CSMD2: variants seen among roughly 807,000 people sequenced by gnomAD.
The protein encoded by CSMD2 is CUB and sushi domain-containing protein 2.
A neutral mutation model predicts 398.5 loss-of-function variants in CSMD2; 130 were observed. The observed-to-expected ratio is 0.33, with a 90% confidence interval of 0.28 to 0.38. The LOEUF (loss-of-function observed/expected upper bound fraction) is 0.38, where lower values mean the gene tolerates loss of function less well. Ranked by LOEUF, CSMD2 falls within the 10% of genes least tolerant of loss-of-function variation. The probability of loss-of-function intolerance (pLI) is 1.00; values close to 1 mark genes in which losing one functional copy is unlikely to be tolerated. For missense variants in CSMD2, 3,829 were observed against 4,764.9 expected (o/e 0.80, Z 5.78); for synonymous variants, 1,828 against 1,908.5 (o/e 0.96, Z 1.10).
intron 1 of CSMD2, among the ~76,000 whole-genome samples, chr1:34,097,506 C>T: frequency 6.3e-5 from 8 of 126,318 alleles, no homozygotes; most frequent in African/African-American, 9.1e-5. Context: ...TTTTCGCAAC[C>T]TACTCATCTG....
chr1:33,591,481 G>A (rs1180083328), intron 44 of CSMD2, among the ~76,000 whole-genome samples: 1 of 152,034 alleles, frequency 6.6e-6, no homozygotes, highest in Non-Finnish European at 1.5e-5. Flanking sequence ...TGGTGAGTGT[G>A]GTCTAGGGTG....
intron 64 of CSMD2, among the ~76,000 whole-genome samples, chr1:33,531,143 A>G (rs1655197368): frequency 6.6e-6 from 1 of 152,220 alleles, no homozygotes; most frequent in Non-Finnish European, 1.5e-5. Flanking sequence ...AAGTTAATGG[A>G]TATGTTAATT....
At chr1:33,725,320 T>C (rs763095254) in intron 17 of CSMD2, 29 bp downstream of exon 17, 6 of 1,600,050 alleles carry the variant, frequency 3.7e-6, no homozygotes, top group Admixed American at 3.3e-5. Flanking sequence ...GACCTTGTCA[T>C]CCCTTTTCCT....
At position 33,533,896 on chromosome 1, in the gene CSMD2, T is replaced by G. The variant is rs1324380868; in HGVS notation, c.9891A>C (p.Thr3297=). The G allele has an allele frequency of 6.2e-7, 1 of 1,612,548 alleles. No homozygotes were observed. The highest frequency in any genetic ancestry group is 8.5e-7 in the Non-Finnish European group (1 of 1,178,564). Residue 3297 remains threonine (T), a synonymous_variant, in exon 63 of 71, where the codon ACA becomes ACC. Transcript: ENST00000373381. This position sits in a 1 kb window ranked among gnomAD's most constrained non-coding sequence, Gnocchi z 4.2. ...NNSQGYQVGS[T]VLFRCQKGYL... ...AGCCTTTTTGACAACGGAAGAGGACTGTGCTTCCAACCTGCGGCAAGATAC... is the reference window on the plus strand; with the variant it reads ...AGCCTTTTTGACAACGGAAGAGGACGGTGCTTCCAACCTGCGGCAAGATAC...
At chr1:33,564,362 T>C (rs1283744801) in intron 53 of CSMD2, among the ~76,000 whole-genome samples, 2 of 152,172 alleles carry the variant, frequency 1.3e-5, no homozygotes, top group Non-Finnish European at 2.9e-5. Context: ...TCACTGCCTT[T>C]GAATATGGTC....
Position 34,013,204 on chromosome 1 carries a change from G to A in CSMD2, c.517+19390C>T, listed in dbSNP as rs866461473. Among the ~76,000 whole-genome samples the A allele has an allele frequency of 1.2e-4, 18 of 147,892 alleles. No individual in the cohort carries two copies. In the Middle Eastern group the frequency reaches 0.014, roughly 114 times the overall value. Reference sequence around the variant, plus strand: ...CTTTCAAGTATTATCAGTCATCATCGTGCCATTATGGAGTTTTCAATCCAT... The same window carrying A: ...CTTTCAAGTATTATCAGTCATCATCATGCCATTATGGAGTTTTCAATCCAT... On this transcript the variant is annotated intron_variant, in intron 3 of 70. Transcript: ENST00000373381.
At chr1:33,637,946 C>T (rs561034894) in intron 29 of CSMD2, among the ~76,000 whole-genome samples, 19 of 152,224 alleles carry the variant, frequency 1.2e-4, no homozygotes, top group African/African-American at 4.1e-4. Flanking sequence ...ACACAGGAGG[C>T]GGCCACTACT....
chr1:33,913,763 C>A (rs1284667315), intron 5 of CSMD2, among the ~76,000 whole-genome samples: 2 of 152,088 alleles, frequency 1.3e-5, no homozygotes, highest in East Asian at 3.9e-4. Context: ...GCACAAACTT[C>A]CTCTCCTATA....
At chr1:33,947,333 A>G (rs1056778017) in intron 3 of CSMD2, among the ~76,000 whole-genome samples, 2 of 152,110 alleles carry the variant, frequency 1.3e-5, no homozygotes, top group Non-Finnish European at 2.9e-5. Context: ...TTAGTCCCCT[A>G]TATCCTGCTG....
chr1:33,733,907 T>C (rs1646799145), intron 15 of CSMD2, among the ~76,000 whole-genome samples: 1 of 152,234 alleles, frequency 6.6e-6, no homozygotes, highest in Non-Finnish European at 1.5e-5. Context: ...TGTAAAGCAA[T>C]TGGCCTGGTA....
intron 51 of CSMD2, among the ~76,000 whole-genome samples, chr1:33,569,899 T>C (rs940386778): frequency 1.3e-5 from 2 of 152,234 alleles, no homozygotes; most frequent in African/African-American, 4.8e-5. Flanking sequence ...CTGAGTGCCC[T>C]GGGCAGACAC....
At chr1:33,830,193 G>C (rs1659358309) in intron 6 of CSMD2, among the ~76,000 whole-genome samples, 1 of 152,198 alleles carries the variant, frequency 6.6e-6, no homozygotes, top group South Asian at 2.1e-4. Context: ...TCTGAGAATG[G>C]GCAGACTGCC....
intron 27 of CSMD2, among the ~76,000 whole-genome samples, chr1:33,657,562 TG>T (rs2148984779): frequency 6.6e-6 from 1 of 152,324 alleles, no homozygotes; most frequent in Non-Finnish European, 1.5e-5. Context: ...TCTGAGGCTG[TG>T]GGTGCCCTTC....
intron 3 of CSMD2, among the ~76,000 whole-genome samples, chr1:34,023,479 C>T (rs1197647534): frequency 6.6e-6 from 1 of 152,186 alleles, no homozygotes; most frequent in African/African-American, 2.4e-5. Flanking sequence ...TCAGGAGATG[C>T]AAGCAATAGC....
At chr1:33,576,918 A>G (rs16835621) in intron 49 of CSMD2, among the ~76,000 whole-genome samples, 18,665 of 150,920 alleles carry the variant, frequency 0.12, 1,435 homozygotes, top group East Asian at 0.25. Context: ...AAATTGACTG[A>G]CACATTTCAA....
intron 64 of CSMD2, among the ~76,000 whole-genome samples, chr1:33,529,101 A>C (rs1655028838): frequency 6.6e-6 from 1 of 152,254 alleles, no homozygotes; most frequent in African/African-American, 2.4e-5. Context: ...AAGTTGGATA[A>C]TTGATACGTC....
At chr1:34,062,325 A>G (rs1654604261) in intron 2 of CSMD2, among the ~76,000 whole-genome samples, 1 of 152,204 alleles carries the variant, frequency 6.6e-6, no homozygotes, top group East Asian at 1.9e-4. Context: ...TATTTTTATT[A>G]CCAAGTAACA....
chr1:33,983,371 C>G (rs540037346), intron 3 of CSMD2, among the ~76,000 whole-genome samples: 19 of 152,306 alleles, frequency 1.2e-4, no homozygotes, highest in African/African-American at 3.8e-4. Flanking sequence ...CATCTCTCTA[C>G]TTGGGAACAT....
At chr1:33,942,115 G>A (rs376665505) in intron 3 of CSMD2, among the ~76,000 whole-genome samples, 2 of 152,274 alleles carry the variant, frequency 1.3e-5, no homozygotes, top group East Asian at 1.9e-4. Flanking sequence ...ACAACCTATC[G>A]AGAGAGGTGC....
Sources: allele counts gnomAD v4.1 joint callset (sites outside exome capture counted in the v4.1 genomes callset), GRCh38; gene constraint gnomAD v4.1.1; non-coding constraint Gnocchi (gnomAD v3.1); transcripts MANE v1.5; gene names NCBI Gene and HGNC (gene_info 2026-07-23, HGNC 2026-07-21).